The following NPM1 variants were observed in gnomAD, a reference collection of about 807,000 sequenced individuals.
NPM1 encodes the protein nucleophosmin 1.
NPM1 carries 1 observed loss-of-function variant against 44.1 expected under a neutral mutation model. The ratio of observed to expected loss-of-function variants is 0.02; its 90% CI spans 0.01 to 0.11. The LOEUF (loss-of-function observed/expected upper bound fraction) is 0.11, where lower values mean the gene tolerates loss of function less well. Among genes scored for constraint, NPM1 ranks in the 10% least tolerant of loss-of-function variants. NPM1 has a pLI of 1.00. For missense variants in NPM1, 197 were observed against 347.8 expected (o/e 0.57, Z 3.45); for synonymous variants, 126 against 111.8 (o/e 1.13, Z -0.80).
At chr5:171,406,352 T>A (rs368802093) in intron 9 of NPM1, 29 of 1,537,322 alleles carry the variant, frequency 1.9e-5, no homozygotes, top group Non-Finnish European at 2.6e-5. Context: ...TAGATGCCCC[T>A]CCCCTCCATT....
At position 171,406,694 on chromosome 5, in the gene NPM1, CCTTA is replaced by C. The variant is rs1373189673; in HGVS notation, c.772-1005_772-1002del. 4 of 1,233,362 alleles carry C rather than the reference CCTTA, an allele frequency of 3.2e-6. No individual in the cohort carries two copies. In the African/African-American group the frequency reaches 6.1e-5, roughly 19 times the overall value. The allele number at this position is 1,233,362 out of a possible 1,614,324, so 76.4% of individuals were successfully genotyped here. ...AATGTTTTAAATCGCCTTTGTATCT[CCTTA>C]GCTGCTCAATAAATATTTGAATGCA... On this transcript the variant is annotated intron_variant, in intron 9 of 10. Coordinates refer to ENST00000296930, the MANE Select transcript of NPM1 (RefSeq NM_002520.7).
chr5:171,388,779 C>T (rs999227407), intron 1 of NPM1, among the ~76,000 whole-genome samples: 1 of 152,124 alleles, frequency 6.6e-6, no homozygotes, highest in Non-Finnish European at 1.5e-5. Flanking sequence ...TTTTTGAGCC[C>T]CTTTTCTGTC....
chr5:171,391,674 A>G (rs765276443), intron 3 of NPM1, 32 bp from the exon 4 acceptor site: 1 of 1,387,198 alleles, frequency 7.2e-7, no homozygotes, highest in African/African-American at 1.4e-5. Context: ...TTTTCTTCAC[A>G]TGTTTAGTGA....
intron 9 of NPM1, chr5:171,407,478 A>C: frequency 1.8e-6 from 1 of 541,022 alleles, no homozygotes; most frequent in Non-Finnish European, 3.2e-6. Context: ...GTTGTCAGGG[A>C]AGATTTGACC....
intron 9 of NPM1, chr5:171,406,494 A>G (rs1217952540): frequency 2.5e-6 from 4 of 1,598,472 alleles, no homozygotes; most frequent in Admixed American, 1.7e-5. Flanking sequence ...AGTGTCATCA[A>G]CAATCCAGAC....
chr5:171,406,753 T>A, intron 9 of NPM1: 2 of 1,088,842 alleles, frequency 1.8e-6, no homozygotes, highest in Non-Finnish European at 2.2e-6. Context: ...ACAATAATTT[T>A]GAAATGGAAA....
intron 10 of NPM1, among the ~76,000 whole-genome samples, chr5:171,409,748 T>C (rs966385849): frequency 6.6e-6 from 1 of 152,126 alleles, no homozygotes; most frequent in African/African-American, 2.4e-5. Flanking sequence ...TCTCAGGTGA[T>C]CCAACACCTT....
At chr5:171,407,939 A>T (rs902683135) in intron 10 of NPM1, among the ~76,000 whole-genome samples, 165 bp downstream of exon 10, 2 of 152,234 alleles carry the variant, frequency 1.3e-5, no homozygotes, top group Non-Finnish European at 2.9e-5. Flanking sequence ...AATGAAATGC[A>T]TGAAGAATAC....
At chr5:171,396,927 C>T (rs759319828) in intron 6 of NPM1, among the ~76,000 whole-genome samples, 94 of 151,922 alleles carry the variant, frequency 6.2e-4, no homozygotes, top group Admixed American at 3.3e-4. Context: ...GAGCCGAGAT[C>T]GCACCATTGC....
chr5:171,387,977 G>C lies in NPM1; in HGVS notation c.29G>C (p.Ser10Thr), dbSNP rs1384214810. MEDSMDMDM[S>T]PLRPQNYLFG... The stretch of plus-strand genomic sequence containing the variant: ...GAAGATTCGATGGACATGGACATGA[G>C]CCCCCTGAGGCCCCAGAACTATCTT... The change falls in exon 1 of 11, where the codon AGC (serine) becomes ACC (threonine). Residue 10 changes from serine (S) to threonine (T), a missense_variant. Physicochemically the swap from Ser to Thr is moderately conservative, Grantham distance 58. This residue lies in a region of NPM1 where 14 missense variants were observed against 16.2 expected (regional missense o/e 0.87). Coordinates refer to ENST00000296930, the MANE Select transcript of NPM1 (RefSeq NM_002520.7). 6.4e-7 allele frequency: 1 copy of C among 1,569,034 alleles called. No homozygotes were observed. The highest frequency in any genetic ancestry group is 2.5e-5 in the East Asian group (1 of 40,682).
At chr5:171,393,492 T>C (rs1770704048) in intron 6 of NPM1, among the ~76,000 whole-genome samples, 2 of 152,252 alleles carry the variant, frequency 1.3e-5, no homozygotes, top group South Asian at 2.1e-4. Context: ...ATTTAAAATA[T>C]GGTTGGAAAC....
At chr5:171,388,905 C>CG (rs1770424380) in intron 1 of NPM1, among the ~76,000 whole-genome samples, 1 of 152,184 alleles carries the variant, frequency 6.6e-6, no homozygotes, top group African/African-American at 2.4e-5. Flanking sequence ...AAATCTAAAC[C>CG]AAGACGCTTG....
In NPM1 at chr5:171,404,178, G is replaced by C. The variant is rs1250910604; in HGVS notation, c.670-1124G>C. ...CCCGGATGGCACGGCTGGCCGGTCG[G>C]GGGGGCTGACCCCCCACCTCCCTCC... is the stretch of plus-strand genomic sequence containing the variant. On this transcript the variant is annotated intron_variant, in intron 8 of 10. Transcript: ENST00000296930. Among the ~76,000 whole-genome samples, 4 of 97,050 alleles carry C rather than the reference G, an allele frequency of 4.1e-5. 1 individual carries two copies. Among genetic ancestry groups the C allele is most frequent in the Non-Finnish European group, 6.4e-5 (3 of 46,738 alleles). 63.7% of individuals were successfully genotyped at this position (97,050 alleles called of 152,430 possible). A position where few individuals can be genotyped will look rare whatever the true frequency, so the allele number is the denominator to read the frequency against.
Position 171,387,860 on chromosome 5 carries a change from G to A in NPM1, c.-89G>A. ...GGGGAGCCTGCGTCCTTTCCCTGGT[G>A]TGATTCCGTCCTGCGCGGTTGTTCT... On this transcript the variant is annotated 5_prime_UTR_variant, in exon 1 of 11. The change creates a new upstream start codon in the 5' untranslated region. Transcript: ENST00000296930. 8.1e-7 allele frequency: 1 copy of A among 1,237,682 alleles called. No homozygotes were observed. Among genetic ancestry groups the A allele is most frequent in the Non-Finnish European group, 1.2e-6 (1 of 844,516 alleles). The allele number at this position is 1,237,682 out of a possible 1,614,324, so 76.7% of individuals were successfully genotyped here.
chr5:171,405,176 T>G (rs1347797740), intron 8 of NPM1, 126 bp from the exon 9 acceptor site: 1 of 619,300 alleles, frequency 1.6e-6, no homozygotes. Context: ...TGATGATAAT[T>G]CCAGTTGTAT....
rs1415572731 is a variant in NPM1, at chr5:171,404,237, C to T, written c.670-1065C>T. 4.8e-5 allele frequency among the ~76,000 whole-genome samples: 5 copies of T among 105,208 alleles called. 1 individual carries two copies. Among genetic ancestry groups the T allele is most frequent in the Admixed American group, 3.7e-4 (4 of 10,838 alleles). 69.0% of individuals were successfully genotyped at this position (105,208 alleles called of 152,430 possible). On this transcript the variant is annotated intron_variant, in intron 8 of 10. Coordinates refer to ENST00000296930, the MANE Select transcript of NPM1 (RefSeq NM_002520.7). ...GCGGCTGGCCGGGCGGGGGGTTGAC[C>T]CCCCCCCACCTCCCTCCCGGACGGG...
intron 2 of NPM1, among the ~76,000 whole-genome samples, chr5:171,390,411 A>G (rs17748299): frequency 0.035 from 5,378 of 152,280 alleles, 140 homozygotes; most frequent in East Asian, 0.12. Flanking sequence ...ATAATCTTTC[A>G]TGTCTACCAG....
At chr5:171,391,151 C>A in intron 2 of NPM1, 154 bp from the exon 3 acceptor site, 1 of 850,172 alleles carries the variant, frequency 1.2e-6, no homozygotes, top group Non-Finnish European at 1.8e-6. Flanking sequence ...TAAGCACATT[C>A]TTATGATTGT....
upstream of NPM1, chr5:171,387,773 A>C (rs1770301463): frequency 1.4e-5 from 9 of 649,470 alleles, no homozygotes; most frequent in South Asian, 5.5e-5. Context: ...GCTTCGGAGC[A>C]CGCGCGCGGA....
Sources: allele counts gnomAD v4.1 joint callset (sites outside exome capture counted in the v4.1 genomes callset), GRCh38; gene constraint gnomAD v4.1.1; regional missense constraint gnomAD v4.1.1; transcripts MANE v1.5; gene names NCBI Gene and HGNC (gene_info 2026-07-23, HGNC 2026-07-21).